KIAA1549: variants seen among roughly 807,000 people sequenced by gnomAD.
The protein encoded by KIAA1549 is KIAA1549, also known as UPF0606 protein KIAA1549.
A neutral mutation model predicts 156.4 loss-of-function variants in KIAA1549; 70 were observed. The observed-to-expected ratio is 0.45, with a 90% CI of 0.37 to 0.55. The LOEUF is 0.55. KIAA1549 is among the 20% of genes least tolerant of loss of function. The pLI, the probability that KIAA1549 is intolerant of heterozygous loss-of-function variation, is 0.00. For missense variants in KIAA1549, 2,428 were observed against 2,540.9 expected (o/e 0.96, Z 0.96); for synonymous variants, 1,103 against 1,066.4 (o/e 1.03, Z -0.67).
intron 1 of KIAA1549, among the ~76,000 whole-genome samples, chr7:138,954,414 T>A (rs575387804): frequency 2.0e-5 from 3 of 152,104 alleles, no homozygotes; most frequent in Non-Finnish European, 4.4e-5. Flanking sequence ...GTACTGGGGT[T>A]AGACTACAGA....
At chr7:138,840,319 GGA>G in intron 18 of KIAA1549, 41 bp from the exon 19 acceptor site, 1 of 1,575,622 alleles carries the variant, frequency 6.3e-7, no homozygotes, top group Non-Finnish European at 8.6e-7. Flanking sequence ...AACATTTATA[GGA>G]GAGTATGGCT....
At chr7:138,878,993 G>C (rs1811167892) in intron 12 of KIAA1549, among the ~76,000 whole-genome samples, 1 of 136,920 alleles carries the variant, frequency 7.3e-6, no homozygotes, top group Non-Finnish European at 1.5e-5. Context: ...AGCCTTAACA[G>C]TCATACCCTT....
chr7:138,835,266 C>G lies in KIAA1549; in HGVS notation c.*2640G>C, dbSNP rs1285631272. On this transcript the variant is annotated 3_prime_UTR_variant, in exon 20 of 20. Coordinates refer to ENST00000422774, the MANE Select transcript of KIAA1549 (RefSeq NM_001164665.2). ...TGTTGTGGCAGGCGTCGAGAGGAAGCAAGTACAAACTGTGTGTGCTTTATG... is the reference window on the plus strand; with the variant it reads ...TGTTGTGGCAGGCGTCGAGAGGAAGGAAGTACAAACTGTGTGTGCTTTATG... The G allele has an allele frequency of 4.7e-6, 1 of 214,388 alleles. No homozygotes were observed. Among genetic ancestry groups the G allele is most frequent in the Non-Finnish European group, 9.4e-6 (1 of 106,294 alleles). The allele number at this position is 214,388 out of a possible 1,614,324, so 13.3% of individuals were successfully genotyped here.
intron 12 of KIAA1549, among the ~76,000 whole-genome samples, chr7:138,879,036 C>A (rs888683016): frequency 3.9e-5 from 6 of 152,172 alleles, no homozygotes; most frequent in Non-Finnish European, 8.8e-5. Flanking sequence ...TTATACCTGG[C>A]CTGTGAAGCT....
chr7:138,869,461 G>A, intron 14 of KIAA1549, 77 bp downstream of exon 14: 1 of 1,142,324 alleles, frequency 8.8e-7, no homozygotes, highest in South Asian at 1.4e-5. Context: ...TAGCAGAGGG[G>A]CTCCTGTCCT....
At position 138,845,081 on chromosome 7, in the gene KIAA1549, G is replaced by A. The variant is rs535664280; in HGVS notation, c.5295-607C>T. Among the ~76,000 whole-genome samples the A allele has an allele frequency of 2.0e-5, 3 of 152,128 alleles. No homozygotes were observed. In the South Asian group the frequency reaches 6.2e-4, roughly 32 times the overall value. On this transcript the variant is annotated intron_variant, in intron 17 of 19. Coordinates refer to ENST00000422774, the MANE Select transcript of KIAA1549 (RefSeq NM_001164665.2). ...CCTCTTTTGACTCATAAAAATTATT[G>A]AGGACTCCCAAGAGCTTTTGTTTCT...
chr7:138,847,598 C>T (rs2130341428), intron 17 of KIAA1549, among the ~76,000 whole-genome samples: 2 of 152,338 alleles, frequency 1.3e-5, no homozygotes, highest in South Asian at 4.1e-4. Flanking sequence ...AGCTTGTCGA[C>T]TGGTCTATTT....
rs1400605255 is a variant in KIAA1549, at chr7:138,879,606, T to C, written c.4277A>G (p.Glu1426Gly). ...CGGCGTCTTATCTCCTGCGTCCCTCTCGCTGGACTCTTCACTGACCGTAGA... is the reference window on the plus strand; with the variant it reads ...CGGCGTCTTATCTCCTGCGTCCCTCCCGCTGGACTCTTCACTGACCGTAGA... ...ADSTVSEESS[E>G]RDAGDKTPGA... Residue 1426 changes from glutamate (E) to glycine (G), a missense_variant, in exon 12 of 20, where the codon GAG becomes GGG. Transcript: ENST00000422774. 1.7e-5 allele frequency: 27 copies of C among 1,564,978 alleles called. No homozygotes were observed. Among genetic ancestry groups the C allele is most frequent in the Non-Finnish European group, 2.3e-5 (26 of 1,154,714 alleles).
In KIAA1549 at chr7:138,837,803, C is replaced by T; in HGVS notation, c.*103G>A. ...TGCTCCCTCCCTTGGGCAGGCTGCCCGAGAGTTGCTCCTTCCTCTTCCAAA... is the reference window on the plus strand; with the variant it reads ...TGCTCCCTCCCTTGGGCAGGCTGCCTGAGAGTTGCTCCTTCCTCTTCCAAA... On this transcript the variant is annotated 3_prime_UTR_variant, in exon 20 of 20. Coordinates refer to ENST00000422774, the MANE Select transcript of KIAA1549 (RefSeq NM_001164665.2). 5 of 1,382,366 alleles carry T rather than the reference C, an allele frequency of 3.6e-6. No individual in the cohort carries two copies. The highest frequency in any genetic ancestry group is 5.2e-4 in the Middle Eastern group (2 of 3,858). The allele number at this position is 1,382,366 out of a possible 1,614,324, so 85.6% of individuals were successfully genotyped here. A position where few individuals can be genotyped will look rare whatever the true frequency, so the allele number is the denominator to read the frequency against.
chr7:138,884,590 G>A (rs201967077), intron 10 of KIAA1549, among the ~76,000 whole-genome samples: 2 of 152,160 alleles, frequency 1.3e-5, no homozygotes, highest in East Asian at 3.8e-4. Context: ...TCACACCTAC[G>A]AACAATAAAA....
intron 9 of KIAA1549, among the ~76,000 whole-genome samples, chr7:138,895,025 G>T (rs761664697): frequency 1.5e-4 from 23 of 152,102 alleles, no homozygotes; most frequent in Non-Finnish European, 2.6e-4. Flanking sequence ...GGAGTTTATG[G>T]AAGAAAACCC....
chr7:138,922,682 C>T (rs1019331599), intron 1 of KIAA1549, among the ~76,000 whole-genome samples: 2 of 151,304 alleles, frequency 1.3e-5, no homozygotes, highest in African/African-American at 4.9e-5. Flanking sequence ...AGAGCTGAAA[C>T]AAGATTTAGT....
In KIAA1549 at chr7:138,914,023, A is replaced by G. The variant is rs535664657; in HGVS notation, c.2879-1563T>C. On this transcript the variant is annotated intron_variant, in intron 2 of 19. Coordinates refer to ENST00000422774, the MANE Select transcript of KIAA1549 (RefSeq NM_001164665.2). ...AGAAGGAAAGAAGGAAGGAAGGAAG[A>G]AAGGAAGGGAGGAAGGCAGGGAGGG... Among the ~76,000 whole-genome samples the G allele has an allele frequency of 1.0e-4, 15 of 145,046 alleles. No homozygotes were observed. The South Asian group carries it at 3.4e-3, about 32-fold the overall frequency.
chr7:138,910,767 T>G (rs1483278019), intron 4 of KIAA1549, among the ~76,000 whole-genome samples: 1 of 141,818 alleles, frequency 7.1e-6, no homozygotes, highest in Admixed American at 7.4e-5. Flanking sequence ...CTCAAACTCA[T>G]GAACTCAAGT....
intron 2 of KIAA1549, 68 bp from the exon 3 acceptor site, chr7:138,912,528 T>C (rs1347312323): frequency 8.3e-6 from 11 of 1,326,786 alleles, no homozygotes; most frequent in East Asian, 2.3e-5. Flanking sequence ...ACCAGACTTC[T>C]GGACCCCAGC....
At position 138,831,519 on chromosome 7, in the gene KIAA1549, T is replaced by C. The variant is rs1436532251; in HGVS notation, c.*6387A>G. ...AGCACATTAGAAAACAGTGCAGCTA[T>C]TGAAGGATAGAAACATAAAACCGAC... On this transcript the variant is annotated 3_prime_UTR_variant, in exon 20 of 20. Transcript: ENST00000422774. 1 of 219,318 alleles carries C rather than the reference T, an allele frequency of 4.6e-6. No individual in the cohort carries two copies. The highest frequency in any genetic ancestry group is 9.1e-6 in the Non-Finnish European group (1 of 109,364). The allele number at this position is 219,318 out of a possible 1,614,324, so 13.6% of individuals were successfully genotyped here.
At chr7:138,886,095 G>A (rs142444258) in intron 10 of KIAA1549, among the ~76,000 whole-genome samples, 1,982 of 152,184 alleles carry the variant, frequency 0.013, 37 homozygotes, top group African/African-American at 0.046. Context: ...AACATGGTTC[G>A]AGTTTTTCCA....
Position 138,918,759 on chromosome 7 carries a change from C to T in KIAA1549, c.867G>A (p.Met289Ile), listed in dbSNP as rs376472972. 127 of 1,613,858 alleles carry T rather than the reference C, an allele frequency of 7.9e-5. No homozygotes were observed. Among genetic ancestry groups the T allele is most frequent in the Non-Finnish European group, 1.0e-4 (119 of 1,179,872 alleles). Residue 289 changes from methionine to isoleucine, a missense_variant, in exon 2 of 20, where the codon ATG becomes ATA. Coordinates refer to ENST00000422774, the MANE Select transcript of KIAA1549 (RefSeq NM_001164665.2). The surrounding 1 kb of genome is among the most constrained non-coding windows in gnomAD (Gnocchi z 4.2). ...TAATGCCGTCGCCTAACGGCTGTGG[C>T]ATTAAAGACCGGGAGCTTAAAAAAA... Reference protein sequence around the residue: ...TTLFLSSRSLMPQPLGDGITI... With the variant: ...TTLFLSSRSLIPQPLGDGITI...
intron 8 of KIAA1549, among the ~76,000 whole-genome samples, chr7:138,899,814 G>A (rs1811791386): frequency 6.6e-6 from 1 of 152,122 alleles, no homozygotes; most frequent in Non-Finnish European, 1.5e-5. Context: ...ATAATCTTGT[G>A]GGTCAAATAA....
Sources: allele counts gnomAD v4.1 joint callset (sites outside exome capture counted in the v4.1 genomes callset), GRCh38; gene constraint gnomAD v4.1.1; non-coding constraint Gnocchi (gnomAD v3.1); transcripts MANE v1.5; gene names NCBI Gene and HGNC (gene_info 2026-07-23, HGNC 2026-07-21).